Variants in CCDC146 observed in about 807,000 individuals in gnomAD.
The protein encoded by CCDC146 is coiled-coil domain containing 146, also known as coiled-coil domain-containing protein 146.
Under a neutral mutation model 119.3 loss-of-function variants are expected in CCDC146, and 92 were observed. That is an observed-to-expected ratio of 0.77 (90% CI 0.65 to 0.92). The LOEUF is 0.92. CCDC146 is among the 40% of genes least tolerant of loss of function. The pLI, the probability that CCDC146 is intolerant of heterozygous loss-of-function variation, is 0.00. For missense variants in CCDC146, 1,000 were observed against 1,103.0 expected (o/e 0.91, Z 1.32); for synonymous variants, 372 against 371.8 (o/e 1.00, Z -0.01).
intron 1 of CCDC146, among the ~76,000 whole-genome samples, chr7:77,142,546 T>A (rs1204681228): frequency 6.6e-6 from 1 of 151,994 alleles, no homozygotes. Context: ...GTATATCTCC[T>A]AATGCTTTCC....
rs999077314 is a variant in CCDC146, at chr7:77,284,772, T to C, written c.2148+1987T>C. On this transcript the variant is annotated intron_variant, in intron 15 of 18. Coordinates refer to ENST00000285871, the MANE Select transcript of CCDC146 (RefSeq NM_020879.3). The stretch of plus-strand genomic sequence containing the variant: ...TGATGGTGAATTTTGATCATTTTGA[T>C]TGCACATGAACTGAGACATGCAGAC... Among the ~76,000 whole-genome samples, 4 of 152,030 alleles carry C rather than the reference T, an allele frequency of 2.6e-5. No individual in the cohort carries two copies. The East Asian group carries it at 7.7e-4, about 29-fold the overall frequency.
chr7:77,256,653 A>G lies in CCDC146; in HGVS notation c.684+144A>G, dbSNP rs77851667. 1.7e-3 allele frequency: 1,116 copies of G among 657,422 alleles called. 4 individuals carry two copies. In the African/African-American group the frequency reaches 0.018, roughly 11 times the overall value. 40.7% of individuals were successfully genotyped at this position (657,422 alleles called of 1,614,324 possible). A position where few individuals can be genotyped will look rare whatever the true frequency, so the allele number is the denominator to read the frequency against. On this transcript the variant is annotated intron_variant, in intron 6 of 18. Coordinates refer to ENST00000285871, the MANE Select transcript of CCDC146 (RefSeq NM_020879.3). Reference sequence around the variant, plus strand: ...TCTGCATTGCGATTGATCCTATCAAACTAAATCTAGGCTCTGGGAATGCAC... The same window carrying G: ...TCTGCATTGCGATTGATCCTATCAAGCTAAATCTAGGCTCTGGGAATGCAC...
intron 4 of CCDC146, 96 bp downstream of exon 4, chr7:77,241,996 T>C (rs1584104538): frequency 6.8e-6 from 6 of 879,232 alleles, no homozygotes; most frequent in South Asian, 1.6e-5. Context: ...GAGTAGGAGA[T>C]AGCAGTACGA....
At chr7:77,218,618 T>G (rs1326706586) in intron 2 of CCDC146, among the ~76,000 whole-genome samples, 1 of 151,494 alleles carries the variant, frequency 6.6e-6, no homozygotes, top group Non-Finnish European at 1.5e-5. Context: ...CAATTCTCTT[T>G]TTTTTTTTTT....
At position 77,203,042 on chromosome 7, in the gene CCDC146, C is replaced by T. The variant is rs867142505; in HGVS notation, c.157-33905C>T. On this transcript the variant is annotated intron_variant, in intron 2 of 18. Coordinates refer to ENST00000285871, the MANE Select transcript of CCDC146 (RefSeq NM_020879.3). Reference sequence around the variant, plus strand: ...AAAATAAAATACTTGCCCCCCCCCCCCCCAGGACTATTTTAGGAATGAATC... The same window carrying T: ...AAAATAAAATACTTGCCCCCCCCCCTCCCAGGACTATTTTAGGAATGAATC... Among the ~76,000 whole-genome samples the T allele has an allele frequency of 2.9e-4, 42 of 145,868 alleles. 1 individual carries two copies. The East Asian group carries it at 4.3e-3, about 15-fold the overall frequency.
intron 2 of CCDC146, among the ~76,000 whole-genome samples, chr7:77,220,100 C>T (rs763492030): frequency 3.4e-4 from 52 of 152,270 alleles, no homozygotes; most frequent in African/African-American, 9.1e-4. Flanking sequence ...AAGCCTGGGG[C>T]GCTGCAGGAG....
At chr7:77,165,319 C>T (rs1291699969) in intron 1 of CCDC146, among the ~76,000 whole-genome samples, 1 of 152,068 alleles carries the variant, frequency 6.6e-6, no homozygotes. Flanking sequence ...CTGCTGTCAC[C>T]ATTTTTAAAT....
At chr7:77,252,152 A>G (rs1312823890) in intron 4 of CCDC146, among the ~76,000 whole-genome samples, 1 of 152,186 alleles carries the variant, frequency 6.6e-6, no homozygotes, top group African/African-American at 2.4e-5. Flanking sequence ...CCATCTCAAA[A>G]ACAAACAAAC....
At chr7:77,287,627 C>T (rs995261246) in intron 17 of CCDC146, 50 bp downstream of exon 17, 20 of 1,578,990 alleles carry the variant, frequency 1.3e-5, no homozygotes, top group Non-Finnish European at 1.7e-5. Context: ...CCTTTATTAC[C>T]TTTTATTTTC....
rs1249590109 is a variant in CCDC146 at position 77,274,592 on chromosome 7, C to T, written c.1380C>T (p.Arg460=). 1 of 1,613,076 alleles carries T rather than the reference C, an allele frequency of 6.2e-7. No homozygotes were observed. The highest frequency in any genetic ancestry group is 2.2e-5 in the East Asian group (1 of 44,866). The change falls in exon 11 of 19, where the codon CGC becomes CGT. Residue 460 remains arginine, a synonymous_variant. Transcript: ENST00000285871. ...AAGAGCTAGTAGTCAACCTTCTCCG[C>T]ATGACTCAAATCAAAATTGATGAAA... ...NMKELVVNLL[R]MTQIKIDEKE... is the part of the protein sequence containing the mutation.
At chr7:77,267,854 T>C (rs1320995409) in intron 9 of CCDC146, among the ~76,000 whole-genome samples, 3 of 152,188 alleles carry the variant, frequency 2.0e-5, no homozygotes, top group East Asian at 1.9e-4. Context: ...TTAAAACACA[T>C]TTGATGGCCT....
At chr7:77,176,111 G>A (rs911065544) in intron 2 of CCDC146, among the ~76,000 whole-genome samples, 3 of 151,072 alleles carry the variant, frequency 2.0e-5, no homozygotes, top group Admixed American at 6.6e-5. Context: ...ACCCATGTAT[G>A]CACATACTTG....
At chr7:77,195,028 A>T (rs768402236) in intron 2 of CCDC146, 3 of 152,196 alleles carry the variant, frequency 2.0e-5, no homozygotes, top group Non-Finnish European at 2.9e-5. Flanking sequence ...TTCAAAATTC[A>T]TGTTTTCTAT....
chr7:77,221,371 A>G (rs1179279567), intron 2 of CCDC146, among the ~76,000 whole-genome samples: 1 of 152,260 alleles, frequency 6.6e-6, no homozygotes, highest in African/African-American at 2.4e-5. Context: ...TATTCTACAT[A>G]CAGTCAACCA....
intron 10 of CCDC146, among the ~76,000 whole-genome samples, chr7:77,274,211 G>A (rs80068223): frequency 0.092 from 14,067 of 152,120 alleles, 1,207 homozygotes; most frequent in East Asian, 0.42. Context: ...AAACAATGAA[G>A]CTAAAACACC....
intron 2 of CCDC146, among the ~76,000 whole-genome samples, chr7:77,222,817 C>A (rs191729640): frequency 6.6e-6 from 1 of 152,178 alleles, no homozygotes; most frequent in Non-Finnish European, 1.5e-5. Flanking sequence ...ACAGATGCAC[C>A]GGTGGTGGAG....
chr7:77,169,944 G>A (rs1426783512), intron 2 of CCDC146, among the ~76,000 whole-genome samples: 2 of 152,124 alleles, frequency 1.3e-5, no homozygotes, highest in Admixed American at 6.6e-5. Flanking sequence ...CTGGGAAACA[G>A]ATTCATGAAT....
At chr7:77,154,403 C>T (rs1422995898) in intron 1 of CCDC146, among the ~76,000 whole-genome samples, 3 of 151,670 alleles carry the variant, frequency 2.0e-5, no homozygotes, top group African/African-American at 4.8e-5. Flanking sequence ...GTGTGCTGCA[C>T]CCATTAACTC....
intron 15 of CCDC146, among the ~76,000 whole-genome samples, chr7:77,283,639 A>G (rs1793800878): frequency 6.6e-6 from 1 of 152,206 alleles, no homozygotes; most frequent in Non-Finnish European, 1.5e-5. Flanking sequence ...AATTGCTATT[A>G]AAATTATCAA....
Sources: gnomAD v4.1 joint callset for allele counts (sites outside exome capture counted in the v4.1 genomes callset) on GRCh38, gnomAD v4.1.1 for gene constraint, MANE v1.5 for transcripts, NCBI Gene and HGNC (gene_info 2026-07-23, HGNC 2026-07-21) for gene names.